CILK1: variants seen among roughly 807,000 people sequenced by gnomAD.
CILK1 encodes serine/threonine-protein kinase ICK.
Under a neutral mutation model 79.2 loss-of-function variants are expected in CILK1, and 47 were observed. The ratio of observed to expected loss-of-function variants is 0.59; its 90% CI spans 0.47 to 0.76. The LOEUF is 0.76. Ranked by LOEUF, CILK1 falls within the 30% of genes least tolerant of loss-of-function variation. The probability of loss-of-function intolerance (pLI) is 0.00; values close to 1 mark genes in which losing one functional copy is unlikely to be tolerated. For missense variants in CILK1, 660 were observed against 769.5 expected (o/e 0.86, Z 1.68); for synonymous variants, 266 against 275.9 (o/e 0.96, Z 0.36).
chr6:53,016,995 C>A (rs1246538927), intron 7 of CILK1, among the ~76,000 whole-genome samples: 1 of 152,120 alleles, frequency 6.6e-6, no homozygotes, highest in Admixed American at 6.6e-5. Flanking sequence ...GTTGGAGATC[C>A]AAAAATGATC....
chr6:53,030,924 A>AT lies in CILK1; in HGVS notation c.358+140dup, dbSNP rs1765913029. On this transcript the variant is annotated intron_variant, in intron 5 of 13. Transcript: ENST00000676107. The stretch of plus-strand genomic sequence containing the variant: ...GAGATCAAGTTATAAAAGTTAATAT[A>AT]TTTTAAAATCCATTGTCAGCCTCTC... The AT allele has an allele frequency of 1.9e-5, 13 of 672,820 alleles. 1 individual carries two copies. The highest frequency in any genetic ancestry group is 2.5e-4 in the Middle Eastern group (1 of 4,050). The allele number at this position is 672,820 out of a possible 1,614,324, so 41.7% of individuals were successfully genotyped here.
At chr6:53,039,583 T>C (rs1272419486) in intron 2 of CILK1, among the ~76,000 whole-genome samples, 1 of 152,194 alleles carries the variant, frequency 6.6e-6, no homozygotes, top group East Asian at 1.9e-4. Flanking sequence ...GGGGACCTTT[T>C]AAGGAGCTGG....
chr6:53,014,107 A>G, intron 8 of CILK1, 125 bp from the exon 9 acceptor site: 3 of 780,038 alleles, frequency 3.8e-6, no homozygotes, highest in Admixed American at 4.4e-5. Context: ...AGAAAACAGT[A>G]CCTTGAATTT....
chr6:53,006,419 C>G lies in CILK1; in HGVS notation c.1640G>C (p.Ser547Thr). 1 of 1,613,888 alleles carries G rather than the reference C, an allele frequency of 6.2e-7. No homozygotes were observed. Among genetic ancestry groups the G allele is most frequent in the Non-Finnish European group, 8.5e-7 (1 of 1,179,868 alleles). ...ATAGTTTCCAGTCAGTCCACTAGAA[C>G]TTGTAGAGCTGGAACCAACTGATTT... ...KVNSVGSSST[S>T]SSGLTGNYVP... is the part of the protein sequence containing the mutation. The change falls in exon 13 of 14, where the codon AGT becomes ACT. Residue 547 changes from serine (S) to threonine (T), a missense_variant. By Grantham distance (58) the Ser-to-Thr change is moderately conservative (BLOSUM62 1). Coordinates refer to ENST00000676107, the MANE Select transcript of CILK1 (RefSeq NM_014920.5).
At chr6:53,043,209 G>A (rs988729007) in intron 1 of CILK1, among the ~76,000 whole-genome samples, 12 of 151,892 alleles carry the variant, frequency 7.9e-5, no homozygotes, top group East Asian at 3.9e-4. Flanking sequence ...CCAACTACTC[G>A]GGAGGCTGGG....
intron 2 of CILK1, among the ~76,000 whole-genome samples, chr6:53,040,431 C>T (rs775646790): frequency 1.2e-4 from 19 of 152,244 alleles, no homozygotes; most frequent in Non-Finnish European, 2.6e-4. Flanking sequence ...AGGGCAGCCT[C>T]CCACCAACAG....
intron 7 of CILK1, among the ~76,000 whole-genome samples, chr6:53,016,679 C>T (rs924914630): frequency 1.3e-5 from 2 of 152,198 alleles, no homozygotes; most frequent in Non-Finnish European, 2.9e-5. Context: ...ACAGTATCTT[C>T]AACTTGGTGA....
chr6:53,059,557 G>C (rs1423066151), intron 1 of CILK1, among the ~76,000 whole-genome samples: 32 of 152,222 alleles, frequency 2.1e-4, no homozygotes, highest in Admixed American at 2.1e-3. Flanking sequence ...AAGGGAGGTA[G>C]TTTCTAGGGA....
intron 3 of CILK1, among the ~76,000 whole-genome samples, chr6:53,036,460 G>A (rs1048733738): frequency 1.4e-4 from 22 of 152,058 alleles, no homozygotes; most frequent in Non-Finnish European, 2.5e-4. Context: ...CTGTCACCCA[G>A]GCTGCAGTAC....
chr6:53,010,562 C>T (rs1764515428), intron 11 of CILK1, among the ~76,000 whole-genome samples: 2 of 152,210 alleles, frequency 1.3e-5, no homozygotes, highest in Non-Finnish European at 2.9e-5. Context: ...CTACACATTA[C>T]GTCACCTCCT....
intron 10 of CILK1, 54 bp from the exon 11 acceptor site, chr6:53,011,971 G>T (rs1242768249): frequency 6.2e-7 from 1 of 1,613,552 alleles, no homozygotes; most frequent in Non-Finnish European, 8.5e-7. Context: ...TGTATTCTCG[G>T]ATATGTACCC....
chr6:53,045,386 C>T (rs941411775), intron 1 of CILK1, among the ~76,000 whole-genome samples: 18 of 152,126 alleles, frequency 1.2e-4, no homozygotes, highest in African/African-American at 3.6e-4. Flanking sequence ...GTTTGACTTA[C>T]GATATTTTGA....
intron 3 of CILK1, 111 bp downstream of exon 3, chr6:53,037,828 C>G (rs1766457778): frequency 7.2e-6 from 5 of 690,086 alleles, no homozygotes; most frequent in African/African-American, 1.8e-5. Flanking sequence ...GCCTCCCTTT[C>G]CAGCATTAGT....
Position 53,013,738 on chromosome 6 carries a change from T to A in CILK1, c.1076A>T (p.Asp359Val). 1 of 1,614,116 alleles carries A rather than the reference T, an allele frequency of 6.2e-7. No individual in the cohort carries two copies. Among genetic ancestry groups the A allele is most frequent in the Non-Finnish European group, 8.5e-7 (1 of 1,180,022 alleles). Residue 359 changes from aspartate to valine, a missense_variant, in exon 9 of 14, where the codon GAT becomes GTT. By Grantham distance (152) the Asp-to-Val change is radical. Transcript: ENST00000676107. The part of the protein sequence containing the change: ...YPYKAEVSRT[D>V]HPSHLQEDKP... ...GTCCTCCTGGAGATGGCTTGGGTGA[T>A]CTGTCCTGGAGACCTCTGCTTTGTA...
rs1766798017 is a variant in CILK1 at position 53,042,725 on chromosome 6, AG to A, written c.-172-1318del. On this transcript the variant is annotated intron_variant, in intron 1 of 13. Coordinates refer to ENST00000676107, the MANE Select transcript of CILK1 (RefSeq NM_014920.5). ...CAAAGTGTCCAGATCACAAAAGACA[AG>A]GACAGACTAAGGAACTGTCACAGAT... 2.6e-5 allele frequency among the ~76,000 whole-genome samples: 4 copies of A among 152,262 alleles called. No homozygotes were observed. In the South Asian group the frequency reaches 8.3e-4, roughly 32 times the overall value.
At chr6:53,032,960 G>A (rs1766069739) in intron 3 of CILK1, among the ~76,000 whole-genome samples, 1 of 152,120 alleles carries the variant, frequency 6.6e-6, no homozygotes, top group African/African-American at 2.4e-5. Flanking sequence ...TCCAGATGAT[G>A]GAATTCAGGC....
Position 53,016,124 on chromosome 6 carries a change from T to C in CILK1, c.790A>G (p.Met264Val), listed in dbSNP as rs1441321917. 1 of 1,614,148 alleles carries C rather than the reference T, an allele frequency of 6.2e-7. No individual in the cohort carries two copies. Among genetic ancestry groups the C allele is most frequent in the Admixed American group, 1.7e-5 (1 of 60,030 alleles). The change falls in exon 8 of 14, where the codon ATG (methionine) becomes GTG (valine). Residue 264 changes from methionine (M) to valine (V), a missense_variant. Physicochemically the swap from Met to Val is conservative, Grantham distance 21. Transcript: ENST00000676107. ...SSEAVQLLRD[M>V]LQWDPKKRPT... ...CGTTTCTTGGGATCCCACTGAAGCATGTCTCTCAGGAGCTGGACTGCTTCA... is the reference window on the plus strand; with the variant it reads ...CGTTTCTTGGGATCCCACTGAAGCACGTCTCTCAGGAGCTGGACTGCTTCA...
chr6:53,054,369 C>T (rs1240848940), intron 1 of CILK1, among the ~76,000 whole-genome samples: 1 of 152,226 alleles, frequency 6.6e-6, no homozygotes, highest in African/African-American at 2.4e-5. Flanking sequence ...CTTCTCACTC[C>T]ACTTGCAGTA....
At chr6:53,019,174 G>T in intron 6 of CILK1, 53 bp downstream of exon 6, 1 of 1,517,196 alleles carries the variant, frequency 6.6e-7, no homozygotes, top group Non-Finnish European at 9.2e-7. Context: ...TTAGCATAAT[G>T]ATATCTTTTT....
Sources: allele counts gnomAD v4.1 joint callset (sites outside exome capture counted in the v4.1 genomes callset), GRCh38; gene constraint gnomAD v4.1.1; transcripts MANE v1.5; gene names NCBI Gene and HGNC (gene_info 2026-07-23, HGNC 2026-07-21).